HM13: variants seen among roughly 807,000 people sequenced by gnomAD.
The protein encoded by HM13 is histocompatibility minor 13.
In HM13, 18 loss-of-function variants were observed where a neutral mutation model predicts 50.0. The ratio of observed to expected loss-of-function variants is 0.36; its 90% CI spans 0.25 to 0.53. The LOEUF is 0.53. Among genes scored for constraint, HM13 ranks in the 20% least tolerant of loss-of-function variants. The probability of loss-of-function intolerance (pLI) is 0.90; values close to 1 mark genes in which losing one functional copy is unlikely to be tolerated. For synonymous variants in HM13, 197 were observed against 232.6 expected (o/e 0.85, Z 1.39); for missense variants, 393 against 552.4 (o/e 0.71, Z 2.89).
At chr20:31,527,453 G>C (rs1331460848) in intron 1 of HM13, 31 bp from the exon 2 acceptor site, 2 of 1,497,848 alleles carry the variant, frequency 1.3e-6, no homozygotes. Flanking sequence ...AACCAGCCGT[G>C]CTGAGCCATT....
intron 4 of HM13, chr20:31,547,934 G>C (rs1600651396): frequency 7.7e-7 from 1 of 1,301,226 alleles, no homozygotes; most frequent in East Asian, 2.3e-5. Context: ...CATGCTCTGT[G>C]TGTTGGGGTC....
intron 8 of HM13, among the ~76,000 whole-genome samples, chr20:31,557,570 C>T (rs1297361557): frequency 6.6e-6 from 1 of 152,242 alleles, no homozygotes; most frequent in Non-Finnish European, 1.5e-5. Context: ...GAGTTCCCAG[C>T]TTGATTCCAG....
intron 2 of HM13, among the ~76,000 whole-genome samples, chr20:31,530,107 TAGTG>T (rs1982721899): frequency 6.6e-6 from 1 of 152,108 alleles, no homozygotes; most frequent in Admixed American, 6.6e-5. Flanking sequence ...GTGGGCAACA[TAGTG>T]AGACCCCATC....
At chr20:31,539,204 C>G in intron 3 of HM13, 3 of 985,466 alleles carry the variant, frequency 3.0e-6, no homozygotes, top group South Asian at 4.7e-5. Context: ...GTATTACAAA[C>G]AGTTGGCAAC....
At chr20:31,568,054 G>C (rs1187041656) in intron 11 of HM13, 24 bp from the exon 12 acceptor site, 2 of 1,558,096 alleles carry the variant, frequency 1.3e-6, no homozygotes, top group Non-Finnish European at 1.7e-6. Flanking sequence ...CTTTTTTTCT[G>C]TCTCTTCTCT....
At chr20:31,548,275 G>A (rs948430516) in intron 4 of HM13, 36 of 465,822 alleles carry the variant, frequency 7.7e-5, no homozygotes, top group African/African-American at 7.0e-4. Context: ...TGTGAAAGGA[G>A]TGTCTGGACT....
chr20:31,566,445 G>A (rs1984920073), intron 11 of HM13, 150 bp downstream of exon 11: 1 of 675,076 alleles, frequency 1.5e-6, no homozygotes, highest in East Asian at 2.7e-5. Context: ...CAGTACATGG[G>A]TACCTGGCCT....
rs35862306 is a variant in HM13, at chr20:31,546,044, CTTT to C, written c.454+1029_454+1031del. ...AATACTGAGCATGTGAAATCTAGCACTTTTTTTTTTTTTTTTTTTTTTCGAGAC... is the reference window on the plus strand; with the variant it reads ...AATACTGAGCATGTGAAATCTAGCACTTTTTTTTTTTTTTTTTTTCGAGAC... On this transcript the variant is annotated intron_variant, in intron 4 of 12. Coordinates refer to ENST00000398174, the MANE Select transcript of HM13 (RefSeq NM_178581.3). Among the ~76,000 whole-genome samples the C allele has an allele frequency of 8.8e-3, 911 of 103,190 alleles. 7 individuals carry two copies. The highest frequency in any genetic ancestry group is 0.037 in the African/African-American group (823 of 21,990). The allele number at this position is 103,190 out of a possible 152,430, so 67.7% of individuals were successfully genotyped here. A position where few individuals can be genotyped will look rare whatever the true frequency, so the allele number is the denominator to read the frequency against.
Position 31,569,239 on chromosome 20 carries a change from T to G in HM13, c.*20T>G, listed in dbSNP as rs1460935905. 1 of 1,501,134 alleles carries G rather than the reference T, an allele frequency of 6.7e-7. No homozygotes were observed. Among genetic ancestry groups the G allele is most frequent in the Non-Finnish European group, 9.1e-7 (1 of 1,096,766 alleles). The allele number at this position is 1,501,134 out of a possible 1,614,324, so 93.0% of individuals were successfully genotyped here. ...AAATGATGCAGCTGGTGCCCGAGCCTCTCAGGGCCAGACCAGACAGATGGG... is the reference window on the plus strand; with the variant it reads ...AAATGATGCAGCTGGTGCCCGAGCCGCTCAGGGCCAGACCAGACAGATGGG... On this transcript the variant is annotated 3_prime_UTR_variant, in exon 13 of 13. Transcript: ENST00000398174.
At chr20:31,521,962 G>A (rs984168736) in intron 1 of HM13, among the ~76,000 whole-genome samples, 1 of 150,362 alleles carries the variant, frequency 6.7e-6, no homozygotes, top group African/African-American at 2.5e-5. Flanking sequence ...CCAAAGTGCT[G>A]GGATTACAGT....
chr20:31,519,249 C>A (rs926992015), intron 1 of HM13, among the ~76,000 whole-genome samples: 3 of 152,160 alleles, frequency 2.0e-5, no homozygotes, highest in Non-Finnish European at 4.4e-5. Flanking sequence ...TTGCAGGCAC[C>A]TGCCATCATG....
intron 3 of HM13, chr20:31,539,455 GTT>G: frequency 1.0e-6 from 1 of 985,474 alleles, no homozygotes; most frequent in Non-Finnish European, 1.2e-6. Flanking sequence ...GTGCTAGAAA[GTT>G]TGTGCACATT....
chr20:31,530,643 T>C (rs143138645), intron 2 of HM13, among the ~76,000 whole-genome samples: 13 of 152,248 alleles, frequency 8.5e-5, no homozygotes, highest in African/African-American at 1.7e-4. Context: ...TCTCTTGACC[T>C]TGTGATCCGC....
intron 1 of HM13, among the ~76,000 whole-genome samples, chr20:31,526,392 T>C (rs1050757702): frequency 2.0e-5 from 3 of 151,964 alleles, no homozygotes. Flanking sequence ...CTCCTGACCT[T>C]GTGATCCACC....
At chr20:31,560,600 C>T (rs1396797753) in intron 9 of HM13, among the ~76,000 whole-genome samples, 4 of 152,242 alleles carry the variant, frequency 2.6e-5, no homozygotes, top group Admixed American at 2.6e-4. Flanking sequence ...GCCGTCTCTA[C>T]TCCTGGCTGT....
intron 10 of HM13, among the ~76,000 whole-genome samples, chr20:31,565,393 C>T (rs896354146): frequency 3.3e-5 from 5 of 150,062 alleles, no homozygotes; most frequent in Non-Finnish European, 5.9e-5. Context: ...GCAGGAGAAT[C>T]GCTTGAACCC....
At chr20:31,543,628 G>C (rs1162923793) in intron 3 of HM13, among the ~76,000 whole-genome samples, 3 of 151,660 alleles carry the variant, frequency 2.0e-5, no homozygotes, top group Non-Finnish European at 4.4e-5. Flanking sequence ...ATGCCACCAG[G>C]GTCTTTAAAG....
chr20:31,547,930 C>A, intron 4 of HM13: 1 of 1,279,980 alleles, frequency 7.8e-7, no homozygotes, highest in Non-Finnish European at 1.1e-6. Flanking sequence ...ACAGCATGCT[C>A]TGTGTGTTGG....
chr20:31,521,313 G>T (rs1982143849), intron 1 of HM13, among the ~76,000 whole-genome samples: 1 of 152,170 alleles, frequency 6.6e-6, no homozygotes, highest in Non-Finnish European at 1.5e-5. Flanking sequence ...AGAGTTTGGG[G>T]TCTGGAACTG....
Sources: gnomAD v4.1 joint callset for allele counts (sites outside exome capture counted in the v4.1 genomes callset) on GRCh38, gnomAD v4.1.1 for gene constraint, MANE v1.5 for transcripts, NCBI Gene and HGNC (gene_info 2026-07-23, HGNC 2026-07-21) for gene names.